Variants in TEAD1 observed in about 807,000 individuals in gnomAD.
The protein encoded by TEAD1 is transcriptional enhancer factor TEF-1.
Under a neutral mutation model 54.9 loss-of-function variants are expected in TEAD1, and 9 were observed. The observed-to-expected ratio is 0.16, with a 90% CI of 0.10 to 0.29. The LOEUF is 0.29. Ranked by LOEUF, TEAD1 falls within the 10% of genes least tolerant of loss-of-function variation. TEAD1 has a pLI of 1.00. For synonymous variants in TEAD1, 200 were observed against 187.8 expected (o/e 1.07, Z -0.53); for missense variants, 387 against 535.9 (o/e 0.72, Z 2.74).
At chr11:12,732,718 G>T (rs1944448030) in intron 2 of TEAD1, among the ~76,000 whole-genome samples, 2 of 152,226 alleles carry the variant, frequency 1.3e-5, no homozygotes, top group Non-Finnish European at 2.9e-5. Context: ...GCCCAAGGCT[G>T]TGAAAAGTCA....
intron 3 of TEAD1, among the ~76,000 whole-genome samples, chr11:12,848,109 T>TC (rs1169267756): frequency 6.6e-6 from 1 of 152,174 alleles, no homozygotes; most frequent in African/African-American, 2.4e-5. Flanking sequence ...AGTACATCTA[T>TC]CCATCTAATC....
chr11:12,790,877 G>T (rs968276897), intron 3 of TEAD1, among the ~76,000 whole-genome samples: 1 of 152,168 alleles, frequency 6.6e-6, no homozygotes, highest in African/African-American at 2.4e-5. Flanking sequence ...GGTGAGGGGG[G>T]TGAAAAATGG....
chr11:12,857,854 G>GT (rs1314848361), intron 3 of TEAD1, among the ~76,000 whole-genome samples: 1 of 152,162 alleles, frequency 6.6e-6, no homozygotes, highest in Non-Finnish European at 1.5e-5. Flanking sequence ...GGAGGCCGAG[G>GT]TGGGCGGATT....
intron 10 of TEAD1, among the ~76,000 whole-genome samples, chr11:12,913,789 T>C (rs1948659869): frequency 6.6e-6 from 1 of 152,262 alleles, no homozygotes; most frequent in Admixed American, 6.5e-5. Flanking sequence ...CCCCGTTTTA[T>C]CTGGCAGCTC....
intron 3 of TEAD1, among the ~76,000 whole-genome samples, chr11:12,809,414 C>G (rs1405849011): frequency 1.3e-5 from 2 of 152,168 alleles, no homozygotes; most frequent in Non-Finnish European, 2.9e-5. Flanking sequence ...GGGTAAGATG[C>G]TGCATTTCAC....
At chr11:12,865,142 A>C in intron 5 of TEAD1, 1 of 560,362 alleles carries the variant, frequency 1.8e-6, no homozygotes, top group Non-Finnish European at 3.2e-6. Flanking sequence ...TGTGTTCCTA[A>C]TAACAATGCA....
chr11:12,917,485 C>T (rs959893694), intron 10 of TEAD1, among the ~76,000 whole-genome samples: 3 of 152,058 alleles, frequency 2.0e-5, no homozygotes, highest in Non-Finnish European at 4.4e-5. Flanking sequence ...ATTAATATAA[C>T]AGAAAAAAGC....
intron 5 of TEAD1, among the ~76,000 whole-genome samples, chr11:12,876,277 A>T (rs535218141): frequency 1.1e-4 from 17 of 152,362 alleles, no homozygotes; most frequent in African/African-American, 3.8e-4. Context: ...TCAAAAAAGA[A>T]TATCAAACTT....
chr11:12,880,463 C>T (rs1197372743), intron 6 of TEAD1, among the ~76,000 whole-genome samples: 1 of 152,148 alleles, frequency 6.6e-6, no homozygotes, highest in Non-Finnish European at 1.5e-5. Flanking sequence ...CCCAGGGTTG[C>T]TTGACTCCTG....
chr11:12,885,267 G>A (rs11022530), intron 9 of TEAD1, among the ~76,000 whole-genome samples: 47,801 of 139,780 alleles, frequency 0.34, 9,088 homozygotes, highest in Admixed American at 0.5. Flanking sequence ...ACAGCGTCTC[G>A]CTCTGTTGCC....
At chr11:12,775,514 G>T (rs1358378673) in intron 3 of TEAD1, among the ~76,000 whole-genome samples, 1 of 152,118 alleles carries the variant, frequency 6.6e-6, no homozygotes, top group African/African-American at 2.4e-5. Flanking sequence ...ATTTATTATT[G>T]TTGTTATGTA....
At chr11:12,692,138 T>C (rs1035995790) in intron 2 of TEAD1, among the ~76,000 whole-genome samples, 1 of 152,210 alleles carries the variant, frequency 6.6e-6, no homozygotes, top group Non-Finnish European at 1.5e-5. Flanking sequence ...ATTAAACTTA[T>C]TTTTAGTATT....
At chr11:12,684,714 A>T (rs1325202838) in intron 2 of TEAD1, among the ~76,000 whole-genome samples, 2 of 152,172 alleles carry the variant, frequency 1.3e-5, no homozygotes, top group African/African-American at 4.8e-5. Context: ...CTAGAGCTGT[A>T]GGTGTGGCTG....
intron 12 of TEAD1, among the ~76,000 whole-genome samples, chr11:12,933,654 A>C (rs1949051515): frequency 1.3e-5 from 2 of 152,152 alleles, no homozygotes; most frequent in South Asian, 4.1e-4. Flanking sequence ...CTGTATTCTT[A>C]TTTAATAGAA....
chr11:12,850,005 G>A (rs553294266), intron 3 of TEAD1, among the ~76,000 whole-genome samples: 1 of 152,306 alleles, frequency 6.6e-6, no homozygotes, highest in Non-Finnish European at 1.5e-5. Context: ...ATTAGCAATA[G>A]AAGCATCATG....
At chr11:12,811,943 A>G (rs536338377) in intron 3 of TEAD1, among the ~76,000 whole-genome samples, 22 of 152,124 alleles carry the variant, frequency 1.4e-4, no homozygotes, top group African/African-American at 5.1e-4. Context: ...GCTCAGCCAC[A>G]CCGGTAGGAC....
At chr11:12,702,544 T>C (rs993117139) in intron 2 of TEAD1, among the ~76,000 whole-genome samples, 5 of 152,196 alleles carry the variant, frequency 3.3e-5, no homozygotes, top group Admixed American at 6.5e-5. Flanking sequence ...CTCAGAGAAA[T>C]GCACCTGGGT....
In TEAD1 at chr11:12,930,242, T is replaced by C. The variant is rs1385391025; in HGVS notation, c.1083T>C (p.Tyr361=). Residue 361 remains tyrosine (Y), a synonymous_variant, in exon 12 of 13, where the codon TAT becomes TAC. Transcript: ENST00000527636. ...TAAACCGCTCCCCAATGTGTGAATA[T>C]ATGATCAACTTCATCCACAAGCTCA... 1.2e-6 allele frequency: 2 copies of C among 1,614,126 alleles called. No individual in the cohort carries two copies. Among genetic ancestry groups the C allele is most frequent in the African/African-American group, 2.7e-5 (2 of 74,940 alleles).
intron 3 of TEAD1, among the ~76,000 whole-genome samples, chr11:12,799,541 TCTC>T (rs1416743389): frequency 2.6e-5 from 4 of 152,212 alleles, no homozygotes; most frequent in Non-Finnish European, 5.9e-5. Flanking sequence ...TAAAAATAAA[TCTC>T]CTACAGTGCT....
Sources: allele counts gnomAD v4.1 joint callset (sites outside exome capture counted in the v4.1 genomes callset), GRCh38; gene constraint gnomAD v4.1.1; transcripts MANE v1.5; gene names NCBI Gene and HGNC (gene_info 2026-07-23, HGNC 2026-07-21).